Variants in SCG2 observed in about 807,000 individuals in gnomAD.
SCG2 encodes the protein secretogranin II.
SCG2 carries 23 observed loss-of-function variants against 49.5 expected under a neutral mutation model. The ratio of observed to expected loss-of-function variants is 0.46; its 90% CI spans 0.33 to 0.66. SCG2 has a LOEUF of 0.66. Ranked by LOEUF, SCG2 falls within the 30% of genes least tolerant of loss-of-function variation. SCG2 has a pLI of 0.01. For synonymous variants in SCG2, 288 were observed against 260.4 expected (o/e 1.11, Z -1.02); for missense variants, 730 against 728.2 (o/e 1.00, Z -0.03).
In SCG2 at chr2:223,597,861, T is replaced by C. The variant is rs772487184; in HGVS notation, c.1422A>G (p.Arg474=). Reference sequence around the variant, plus strand: ...AGGCAGCTTTGGGAAGCTGGTTCGATCTAGATCTTCCAGCACCATAAGGGA... The same window carrying C: ...AGGCAGCTTTGGGAAGCTGGTTCGACCTAGATCTTCCAGCACCATAAGGGA... ...PRLPYGAGRS[R]SNQLPKAAWI... is the part of the protein sequence containing the mutation. The change falls in exon 2 of 2, where the codon AGA becomes AGG. Residue 474 remains arginine (R), a synonymous_variant. Coordinates refer to ENST00000305409, the MANE Select transcript of SCG2 (RefSeq NM_003469.5). 5.0e-6 allele frequency: 8 copies of C among 1,614,214 alleles called. No individual in the cohort carries two copies. The South Asian group carries it at 8.8e-5, about 18-fold the overall frequency.
At position 223,600,558 on chromosome 2, in the gene SCG2, T is replaced by G. The variant is rs1691375179; in HGVS notation, c.-14-1262A>C. ...AATGTAAGAGGAGTTTACAAGTTTG[T>G]TCATATCTTTACCAGATCATGGTTT... On this transcript the variant is annotated intron_variant, in intron 1 of 1. Transcript: ENST00000305409. Among the ~76,000 whole-genome samples, 3 of 152,292 alleles carry G rather than the reference T, an allele frequency of 2.0e-5. No homozygotes were observed. In the South Asian group the frequency reaches 6.2e-4, roughly 32 times the overall value.
rs770111417 is a variant in SCG2 at position 223,598,636 on chromosome 2, C to T, written c.647G>A (p.Arg216His). 3.3e-5 allele frequency: 54 copies of T among 1,614,002 alleles called. 1 individual carries two copies. The East Asian group carries it at 1.0e-3, about 31-fold the overall frequency. ...GKLTGPNNQK[R>H]ERMDEEQKLY... ...TTTTTGCTCCTCATCCATCCTCTCA[C>T]GTTTCTGGTTGTTTGGTCCTGTCAG... is the stretch of plus-strand genomic sequence containing the variant. Residue 216 changes from arginine (R) to histidine (H), a missense_variant, in exon 2 of 2, where the codon CGT (arginine) becomes CAT (histidine). Arg to His is a conservative substitution (Grantham distance 29, BLOSUM62 0). Transcript: ENST00000305409.
At position 223,599,018 on chromosome 2, in the gene SCG2, G is replaced by A. The variant is rs1691349440; in HGVS notation, c.265C>T (p.Gln89Ter). 1 of 1,614,042 alleles carries A rather than the reference G, an allele frequency of 6.2e-7. No individual in the cohort carries two copies. Among genetic ancestry groups the A allele is most frequent in the Non-Finnish European group, 8.5e-7 (1 of 1,180,038 alleles). ...CTTTCATCGCCATTTTCTTTTTGCT[G>A]AAGGGGGACAGAGACACCTTGGTAG... ...NPYQGVSVPLQQKENGDESHL... is the reference protein window; with the variant it reads ...NPYQGVSVPL Residue 89 changes from glutamine to a stop codon, truncating the protein, a stop_gained, in exon 2 of 2, where the codon CAG becomes TAG. Transcript: ENST00000305409. LOFTEE classifies it high-confidence loss of function.
In SCG2 at chr2:223,597,683, C is replaced by T. The variant is rs1039394484; in HGVS notation, c.1600G>A (p.Glu534Lys). 6.8e-6 allele frequency: 11 copies of T among 1,614,146 alleles called. No individual in the cohort carries two copies. Among genetic ancestry groups the T allele is most frequent in the Non-Finnish European group, 9.3e-6 (11 of 1,180,028 alleles). Residue 534 changes from glutamate to lysine, a missense_variant, in exon 2 of 2, where the codon GAA (glutamate) becomes AAA (lysine). Transcript: ENST00000305409. ...TGTTCCTCTTCCTGCAGGTCATCTT[C>T]AGATGAGCCTTGACCAGGAACTCGC... ...VKRVPGQGSS[E>K]DDLQEEEQIE... is the part of the protein sequence containing the mutation.
chr2:223,598,819 T>C lies in SCG2; in HGVS notation c.464A>G (p.Gln155Arg). Residue 155 changes from glutamine (Q) to arginine (R), a missense_variant, in exon 2 of 2, where the codon CAG (glutamine) becomes CGG (arginine). Physicochemically the swap from Gln to Arg is conservative, Grantham distance 43. Transcript: ENST00000305409. The stretch of plus-strand genomic sequence containing the variant: ...GTGCTTAAGCTTTCTTTCTGGCCAC[T>C]GCTGTGTCTCATAATCATCACTCAT... ...MDMSDDYETQ[Q>R]WPERKLKHMQ... 6.2e-7 allele frequency: 1 copy of C among 1,614,194 alleles called. No individual in the cohort carries two copies. The highest frequency in any genetic ancestry group is 8.5e-7 in the Non-Finnish European group (1 of 1,180,034).
rs1477205785 is a variant in SCG2 at position 223,599,013 on chromosome 2, T to G, written c.270A>C (p.Gln90His). Reference protein sequence around the residue: ...PYQGVSVPLQQKENGDESHLP... With the variant: ...PYQGVSVPLQHKENGDESHLP... ...AGTGGCTTTCATCGCCATTTTCTTT[T>G]TGCTGAAGGGGGACAGAGACACCTT... Residue 90 changes from glutamine to histidine, a missense_variant, in exon 2 of 2, where the codon CAA (glutamine) becomes CAC (histidine). Physicochemically the swap from Gln to His is conservative, Grantham distance 24 (BLOSUM62 0). Coordinates refer to ENST00000305409, the MANE Select transcript of SCG2 (RefSeq NM_003469.5). 6.2e-7 allele frequency: 1 copy of G among 1,614,216 alleles called. No homozygotes were observed. The highest frequency in any genetic ancestry group is 1.1e-5 in the South Asian group (1 of 91,076).
In SCG2 at chr2:223,599,181, C is replaced by A. The variant is rs746228465; in HGVS notation, c.102G>T (p.Gln34His). The A allele has an allele frequency of 6.2e-7, 1 of 1,613,944 alleles. No homozygotes were observed. Among genetic ancestry groups the A allele is most frequent in the Non-Finnish European group, 8.5e-7 (1 of 1,179,832 alleles). Residue 34 changes from glutamine (Q) to histidine (H), a missense_variant, in exon 2 of 2, where the codon CAG (glutamine) becomes CAT (histidine). Physicochemically the swap from Gln to His is conservative, Grantham distance 24 (BLOSUM62 0). Coordinates refer to ENST00000305409, the MANE Select transcript of SCG2 (RefSeq NM_003469.5). ...GAEAASFQRN[Q>H]LLQKEPDLRL... ...TGAGGTCTGGTTCTTTCTGAAGCAG[C>A]TGGTTTCTCTGAAATGAAGCTGCTT...
chr2:223,597,294 G>T lies in SCG2; in HGVS notation c.*135C>A. 8.9e-7 allele frequency: 1 copy of T among 1,123,488 alleles called. No homozygotes were observed. The highest frequency in any genetic ancestry group is 1.2e-6 in the Non-Finnish European group (1 of 807,050). The allele number at this position is 1,123,488 out of a possible 1,614,324, so 69.6% of individuals were successfully genotyped here. A position where few individuals can be genotyped will look rare whatever the true frequency, so the allele number is the denominator to read the frequency against. On this transcript the variant is annotated 3_prime_UTR_variant, in exon 2 of 2. Coordinates refer to ENST00000305409, the MANE Select transcript of SCG2 (RefSeq NM_003469.5). The stretch of plus-strand genomic sequence containing the variant: ...GAGGAAATGAAGCAGACTCCCCAGT[G>T]ACCTGGTTTCATCTGCCTGTACATC...
At position 223,597,913 on chromosome 2, in the gene SCG2, T is replaced by C. The variant is rs1691324298; in HGVS notation, c.1370A>G (p.Tyr457Cys). The change falls in exon 2 of 2, where the codon TAT becomes TGT. Residue 457 changes from tyrosine (Y) to cysteine (C), a missense_variant. Physicochemically the swap from Tyr to Cys is radical, Grantham distance 194 (BLOSUM62 -2). Transcript: ENST00000305409. ...CCTTGGCAGAACTTTCTCCTGGTTATATGGATTGGGAAAATACGACGTTTT... is the reference window on the plus strand; with the variant it reads ...CCTTGGCAGAACTTTCTCCTGGTTACATGGATTGGGAAAATACGACGTTTT... ...NQKTSYFPNPYNQEKVLPRLP... is the reference protein window; with the variant it reads ...NQKTSYFPNPCNQEKVLPRLP... 2.5e-6 allele frequency: 4 copies of C among 1,614,168 alleles called. No individual in the cohort carries two copies. The East Asian group carries it at 8.9e-5, about 36-fold the overall frequency.
chr2:223,598,122 A>G lies in SCG2; in HGVS notation c.1161T>C (p.Leu387=). 1 of 1,610,230 alleles carries G rather than the reference A, an allele frequency of 6.2e-7. No homozygotes were observed. Among genetic ancestry groups the G allele is most frequent in the East Asian group, 2.2e-5 (1 of 44,834 alleles). ...GSVEPERELD[L]PVDLDDISEA... is the part of the protein sequence containing the mutation. ...CTGAGATGTCATCTAGGTCAACAGG[A>G]AGGTCAAGCTCCCGCTCCGGTTCCA... Residue 387 remains leucine (L), a synonymous_variant, in exon 2 of 2, where the codon CTT becomes CTC. Coordinates refer to ENST00000305409, the MANE Select transcript of SCG2 (RefSeq NM_003469.5).
In SCG2 at chr2:223,597,945, T is replaced by C. The variant is rs1246857074; in HGVS notation, c.1338A>G (p.Ala446=). 2 of 1,614,076 alleles carry C rather than the reference T, an allele frequency of 1.2e-6. No individual in the cohort carries two copies. Among genetic ancestry groups the C allele is most frequent in the Non-Finnish European group, 1.7e-6 (2 of 1,180,044 alleles). ...ILNLLGMESA[A]NQKTSYFPNP... is the part of the protein sequence containing the mutation. ...TGGGAAAATACGACGTTTTCTGATT[T>C]GCTGCACTCTCCATCCCTAAAAGAT... is the stretch of plus-strand genomic sequence containing the variant. Residue 446 remains alanine, a synonymous_variant, in exon 2 of 2, where the codon GCA becomes GCG. Coordinates refer to ENST00000305409, the MANE Select transcript of SCG2 (RefSeq NM_003469.5).
chr2:223,597,745 AC>A lies in SCG2; in HGVS notation c.1537del (p.Val513LeufsTer12). ...TGAATTAATGATCTCAGGGTATTTA[AC>A]TAGCATCCTGGCCAAGTACTCACCT... ...ELGEYLARML[V>X]KYPEIINSNQ... On this transcript the variant is annotated frameshift_variant, in exon 2 of 2. Transcript: ENST00000305409. LOFTEE classifies it high-confidence loss of function. The A allele has an allele frequency of 6.2e-7, 1 of 1,614,064 alleles. No individual in the cohort carries two copies. The highest frequency in any genetic ancestry group is 8.5e-7 in the Non-Finnish European group (1 of 1,180,016).
At chr2:223,600,945 G>C (rs1559238337) in intron 1 of SCG2, among the ~76,000 whole-genome samples, 1 of 152,036 alleles carries the variant, frequency 6.6e-6, no homozygotes, top group Non-Finnish European at 1.5e-5. Context: ...TGTAGCTTTG[G>C]TAATCAACTT....
rs1325732184 is a variant in SCG2, at chr2:223,597,575, G to T, written c.1708C>A (p.Pro570Thr). 6.2e-7 allele frequency: 1 copy of T among 1,614,114 alleles called. No homozygotes were observed. The highest frequency in any genetic ancestry group is 2.2e-5 in the East Asian group (1 of 44,880). ...TCATCATTCTTCGGGGGCCCCACAGGGAACCTTTTGCTCACCGGGGCCAGC... is the reference window on the plus strand; with the variant it reads ...TCATCATTCTTCGGGGGCCCCACAGTGAACCTTTTGCTCACCGGGGCCAGC... ...DKLAPVSKRF[P>T]VGPPKNDDTP... The change falls in exon 2 of 2, where the codon CCT (proline) becomes ACT (threonine). Residue 570 changes from proline to threonine, a missense_variant. By Grantham distance (38) the Pro-to-Thr change is conservative (BLOSUM62 -1). Transcript: ENST00000305409.
rs775048290 is a variant in SCG2, at chr2:223,599,086, C to T, written c.197G>A (p.Arg66Gln). Residue 66 changes from arginine to glutamine, a missense_variant, in exon 2 of 2, where the codon CGA becomes CAA. Coordinates refer to ENST00000305409, the MANE Select transcript of SCG2 (RefSeq NM_003469.5). The stretch of plus-strand genomic sequence containing the variant: ...GCTTTCTTCCTTATGAGCTTGTTGT[C>T]GGAGGTTTTCTATGTACTCCAAAGC... ...IRALEYIENL[R>Q]QQAHKEESSP... 5.0e-6 allele frequency: 8 copies of T among 1,613,970 alleles called. No homozygotes were observed. Among genetic ancestry groups the T allele is most frequent in the East Asian group, 2.2e-5 (1 of 44,884 alleles).
At position 223,602,279 on chromosome 2, in the gene SCG2, C is replaced by G. The variant is rs769319586; in HGVS notation, c.-15+6G>C. On this transcript the variant is annotated splice_donor_region_variant and intron_variant, in intron 1 of 1. Transcript: ENST00000305409. The stretch of plus-strand genomic sequence containing the variant: ...TCCAATAAATCAAAGAGAAAAGCAG[C>G]CTTACCTCTTTTTGTTTATATGGCA... 1 of 152,094 alleles carries G rather than the reference C, an allele frequency of 6.6e-6. No homozygotes were observed. Among genetic ancestry groups the G allele is most frequent in the South Asian group, 2.1e-4 (1 of 4,830 alleles). The allele number at this position is 152,094 out of a possible 1,614,324, so 9.4% of individuals were successfully genotyped here. A position where few individuals can be genotyped will look rare whatever the true frequency, so the allele number is the denominator to read the frequency against.
rs1378572238 is a variant in SCG2 at position 223,597,907 on chromosome 2, T to C, written c.1376A>G (p.Gln459Arg). The C allele has an allele frequency of 9.3e-6, 15 of 1,614,124 alleles. No individual in the cohort carries two copies. The highest frequency in any genetic ancestry group is 1.2e-5 in the Non-Finnish European group (14 of 1,180,018). The stretch of plus-strand genomic sequence containing the variant: ...AGGGAGCCTTGGCAGAACTTTCTCC[T>C]GGTTATATGGATTGGGAAAATACGA... ...KTSYFPNPYN[Q>R]EKVLPRLPYG... is the part of the protein sequence containing the mutation. The change falls in exon 2 of 2, where the codon CAG becomes CGG. Residue 459 changes from glutamine (Q) to arginine (R), a missense_variant. By Grantham distance (43) the Gln-to-Arg change is conservative (BLOSUM62 1). Transcript: ENST00000305409.
Sources: gnomAD v4.1 joint callset for allele counts (sites outside exome capture counted in the v4.1 genomes callset) on GRCh38, gnomAD v4.1.1 for gene constraint, MANE v1.5 for transcripts, NCBI Gene and HGNC (gene_info 2026-07-23, HGNC 2026-07-21) for gene names.